Variants in TRAPPC9 observed in about 807,000 individuals in gnomAD.
The protein encoded by TRAPPC9 is trafficking protein particle complex subunit 9.
A neutral mutation model predicts 124.0 loss-of-function variants in TRAPPC9; 83 were observed. The observed-to-expected ratio is 0.67, with a 90% CI of 0.56 to 0.80. The LOEUF is 0.80. Among genes scored for constraint, TRAPPC9 ranks in the 30% least tolerant of loss-of-function variants. The pLI, the probability that TRAPPC9 is intolerant of heterozygous loss-of-function variation, is 0.00. For synonymous variants in TRAPPC9, 638 were observed against 617.5 expected (o/e 1.03, Z -0.49); for missense variants, 1,302 against 1,508.3 (o/e 0.86, Z 2.27).
chr8:139,966,036 C>T (rs1006979328), intron 19 of TRAPPC9, among the ~76,000 whole-genome samples: 3 of 152,186 alleles, frequency 2.0e-5, no homozygotes, highest in East Asian at 1.9e-4. Flanking sequence ...ACAGTAACTA[C>T]GACTACTACT....
chr8:140,025,546 C>A (rs1231512987), intron 17 of TRAPPC9, among the ~76,000 whole-genome samples: 2 of 119,180 alleles, frequency 1.7e-5, no homozygotes. Context: ...GATATGACAC[C>A]AAAAGCATAA....
At chr8:140,089,234 CGA>C (rs771793733) in intron 17 of TRAPPC9, among the ~76,000 whole-genome samples, 5 of 152,152 alleles carry the variant, frequency 3.3e-5, no homozygotes, top group Non-Finnish European at 5.9e-5. Flanking sequence ...TCTTCCCCCC[CGA>C]GTGTTCCCCA....
chr8:140,440,972 C>CTTTTTT (rs60379205), intron 2 of TRAPPC9, among the ~76,000 whole-genome samples: 10 of 80,288 alleles, frequency 1.2e-4, no homozygotes, highest in Admixed American at 1.7e-4. Flanking sequence ...AACACTGTTA[C>CTTTTTT]TTTTTTTTTT....
chr8:139,743,276 TC>T (rs1322368074), intron 21 of TRAPPC9, among the ~76,000 whole-genome samples: 1 of 152,072 alleles, frequency 6.6e-6, no homozygotes, highest in African/African-American at 2.4e-5. Context: ...GAGCTCAAAC[TC>T]CCAGCGACGC....
At chr8:140,102,823 A>G (rs2060603029) in intron 17 of TRAPPC9, among the ~76,000 whole-genome samples, 1 of 152,210 alleles carries the variant, frequency 6.6e-6, no homozygotes, top group African/African-American at 2.4e-5. Flanking sequence ...ATTCTGGGCA[A>G]ATACTTTCAA....
At chr8:140,369,023 G>A (rs565797205) in intron 8 of TRAPPC9, among the ~76,000 whole-genome samples, 1 of 152,334 alleles carries the variant, frequency 6.6e-6, no homozygotes, top group Admixed American at 6.5e-5. Context: ...GTCCATGGCT[G>A]CTTTCACACC....
intron 17 of TRAPPC9, among the ~76,000 whole-genome samples, chr8:140,214,754 G>A (rs2063149239): frequency 1.3e-5 from 2 of 152,184 alleles, no homozygotes; most frequent in Admixed American, 6.5e-5. Flanking sequence ...CCTGAGGCAC[G>A]CAGGAAAGAC....
intron 9 of TRAPPC9, among the ~76,000 whole-genome samples, chr8:140,323,431 T>C (rs1425100990): frequency 6.6e-6 from 1 of 152,144 alleles, no homozygotes; most frequent in African/African-American, 2.4e-5. Context: ...GGTCATAACC[T>C]GGGGCCCTCT....
chr8:140,413,207 G>A (rs1034482298), intron 5 of TRAPPC9, among the ~76,000 whole-genome samples: 9 of 152,080 alleles, frequency 5.9e-5, no homozygotes, highest in African/African-American at 9.7e-5. Flanking sequence ...TGGCCAACAC[G>A]GTGAAACCCC....
intron 21 of TRAPPC9, among the ~76,000 whole-genome samples, chr8:139,764,582 G>T (rs141807905): frequency 1.3e-5 from 2 of 152,268 alleles, no homozygotes; most frequent in African/African-American, 4.8e-5. Flanking sequence ...AGGTGGTTCT[G>T]CCCCCTGTGG....
At chr8:139,746,662 T>A (rs2035089) in intron 21 of TRAPPC9, among the ~76,000 whole-genome samples, 151,615 of 152,362 alleles carry the variant, frequency 1, 75,440 homozygotes, top group Non-Finnish European at 1. Context: ...GATATAAACA[T>A]AATGAGGCTG....
chr8:139,885,755 G>T, intron 21 of TRAPPC9, 124 bp downstream of exon 21: 1 of 905,332 alleles, frequency 1.1e-6, no homozygotes, highest in Non-Finnish European at 1.8e-6. Context: ...AAGGTTTCCC[G>T]TGATGACCTT....
At chr8:140,354,632 G>A (rs1374304262) in intron 9 of TRAPPC9, among the ~76,000 whole-genome samples, 1 of 152,026 alleles carries the variant, frequency 6.6e-6, no homozygotes, top group Non-Finnish European at 1.5e-5. Flanking sequence ...TCAACCCTGG[G>A]GTCACGTTTT....
intron 5 of TRAPPC9, among the ~76,000 whole-genome samples, chr8:140,407,380 C>T (rs2069530430): frequency 6.7e-6 from 1 of 149,452 alleles, no homozygotes; most frequent in Non-Finnish European, 1.5e-5. Context: ...ATTATCTTCA[C>T]ATTGTTGAGT....
chr8:139,771,975 T>A (rs1463185618), intron 21 of TRAPPC9, among the ~76,000 whole-genome samples: 3 of 152,190 alleles, frequency 2.0e-5, no homozygotes, highest in Non-Finnish European at 4.4e-5. Context: ...AAGGGAGATA[T>A]CTGAGCTCAC....
At chr8:140,262,993 T>C (rs1025379917) in intron 15 of TRAPPC9, among the ~76,000 whole-genome samples, 21 of 152,156 alleles carry the variant, frequency 1.4e-4, no homozygotes, top group Middle Eastern at 3.2e-3. Context: ...TAAAAGTGTG[T>C]TCAAAGACAG....
chr8:140,073,587 A>G (rs529759280), intron 17 of TRAPPC9, among the ~76,000 whole-genome samples: 1 of 152,340 alleles, frequency 6.6e-6, no homozygotes, highest in East Asian at 1.9e-4. Context: ...GGGGAGATAG[A>G]AATGTTCTAC....
At chr8:140,372,149 G>C (rs1195997852) in intron 7 of TRAPPC9, among the ~76,000 whole-genome samples, 1 of 152,218 alleles carries the variant, frequency 6.6e-6, no homozygotes, top group Non-Finnish European at 1.5e-5. Context: ...ACACAGCCAA[G>C]AAGTATCAGG....
At chr8:139,770,102 A>G (rs534536154) in intron 21 of TRAPPC9, among the ~76,000 whole-genome samples, 5 of 152,348 alleles carry the variant, frequency 3.3e-5, no homozygotes, top group Non-Finnish European at 5.9e-5. Context: ...CGAAAGCCCA[A>G]TCCCGAGTGC....
Sources: gnomAD v4.1 joint callset for allele counts (sites outside exome capture counted in the v4.1 genomes callset) on GRCh38, gnomAD v4.1.1 for gene constraint, MANE v1.5 for transcripts, NCBI Gene and HGNC (gene_info 2026-07-23, HGNC 2026-07-21) for gene names.